Variants in ZFHX3 observed in about 807,000 individuals in gnomAD.
ZFHX3 encodes the protein zinc finger homeobox 3, also known as zinc finger homeobox protein 3.
ZFHX3 carries 42 observed loss-of-function variants against 279.1 expected under a neutral mutation model. The observed-to-expected ratio is 0.15, with a 90% confidence interval of 0.12 to 0.19. The LOEUF is 0.19. Ranked by LOEUF, ZFHX3 falls within the 10% of genes least tolerant of loss-of-function variation. ZFHX3 has a pLI of 1.00. For synonymous variants in ZFHX3, 2,293 were observed against 1,957.8 expected, an observed-to-expected ratio of 1.17 and a Z score of -4.52; for missense variants, 4,981 against 4,754.0, an observed-to-expected ratio of 1.05 and a Z score of -1.40.
intron 3 of ZFHX3, among the ~76,000 whole-genome samples, chr16:73,418,288 CG>C (rs1363965050): frequency 7.2e-5 from 11 of 152,358 alleles, no homozygotes; most frequent in Non-Finnish European, 1.5e-4. Context: ...AGCTGGTAGA[CG>C]GTGGTACCAG....
At chr16:72,840,299 G>T (rs1285177670) in intron 4 of ZFHX3, among the ~76,000 whole-genome samples, 1 of 152,198 alleles carries the variant, frequency 6.6e-6, no homozygotes, top group Non-Finnish European at 1.5e-5. Flanking sequence ...ATGGTGATTA[G>T]AACCTAATGG....
chr16:72,877,289 T>A (rs1597336863), intron 4 of ZFHX3, among the ~76,000 whole-genome samples: 1 of 152,280 alleles, frequency 6.6e-6, no homozygotes, highest in African/African-American at 2.4e-5. Context: ...AAGAATCGGA[T>A]AATGACCTCT....
intron 5 of ZFHX3, among the ~76,000 whole-genome samples, chr16:73,168,338 T>G (rs1472033225): frequency 6.6e-6 from 1 of 151,848 alleles, no homozygotes; most frequent in Admixed American, 6.6e-5. Flanking sequence ...CATAGTTCAC[T>G]GCAGACTTGA....
chr16:73,004,159 C>CAT (rs1963611018), intron 1 of ZFHX3, among the ~76,000 whole-genome samples: 1 of 49,372 alleles, frequency 2.0e-5, no homozygotes, highest in African/African-American at 1.1e-4. Flanking sequence ...AAAAACACGA[C>CAT]TTTTTTTTTT....
intron 1 of ZFHX3, among the ~76,000 whole-genome samples, chr16:73,760,710 C>T (rs1025168807): frequency 2.0e-5 from 3 of 152,018 alleles, no homozygotes; most frequent in South Asian, 4.1e-4. Flanking sequence ...ATAAACAGAA[C>T]TAAAGACAAA....
rs2035406525 is a variant in ZFHX3, at chr16:72,786,976, G to C, written c.*188C>G. 2.6e-6 allele frequency: 1 copy of C among 386,938 alleles called. No homozygotes were observed. 24.0% of individuals were successfully genotyped at this position (386,938 alleles called of 1,614,324 possible). A position where few individuals can be genotyped will look rare whatever the true frequency, so the allele number is the denominator to read the frequency against. On this transcript the variant is annotated 3_prime_UTR_variant, in exon 10 of 10. Coordinates refer to ENST00000268489, the MANE Select transcript of ZFHX3 (RefSeq NM_006885.4). ...ATATTAAAAGAAAAGAAAAAGACAA[G>C]AATGTAAAATCACCGGCATAGATAG...
At chr16:73,004,924 T>C (rs529276499) in intron 1 of ZFHX3, among the ~76,000 whole-genome samples, 11 of 152,354 alleles carry the variant, frequency 7.2e-5, no homozygotes, top group Admixed American at 2.0e-4. Flanking sequence ...TGGTAACATA[T>C]GCTATGAAAA....
intron 3 of ZFHX3, among the ~76,000 whole-genome samples, chr16:72,941,305 G>T (rs1596989199): frequency 6.6e-6 from 1 of 152,310 alleles, no homozygotes; most frequent in East Asian, 1.9e-4. Context: ...ACAAAAACTG[G>T]ATATCATCAT....
In ZFHX3 at chr16:73,567,834, A is replaced by C. The variant is rs185021499; in HGVS notation, c.-1546-111576T>G. The stretch of plus-strand genomic sequence containing the variant: ...CAATAACGAGCCTTGAACAGAACAA[A>C]CTCTTTGTTTCAGTGAAAAATGCTA... On this transcript the variant is annotated intron_variant, in intron 2 of 17. Coordinates refer to the ZFHX3 transcript ENST00000641206. Among the ~76,000 whole-genome samples the C allele has an allele frequency of 1.1e-3, 169 of 151,836 alleles. 1 individual carries two copies. Among genetic ancestry groups the C allele is most frequent in the Non-Finnish European group, 2.2e-3 (147 of 67,952 alleles).
At chr16:72,980,555 C>A (rs1962548197) in intron 1 of ZFHX3, among the ~76,000 whole-genome samples, 1 of 150,766 alleles carries the variant, frequency 6.6e-6, no homozygotes, top group Non-Finnish European at 1.5e-5. Flanking sequence ...GCCCAGGAGT[C>A]TGAGACCAGC....
intron 2 of ZFHX3, among the ~76,000 whole-genome samples, chr16:73,496,917 C>G (rs568320042): frequency 3.3e-5 from 5 of 152,294 alleles, no homozygotes; most frequent in Admixed American, 6.5e-5. Flanking sequence ...CTTTGTCAGA[C>G]AGCCTTCTTG....
chr16:73,889,611 G>A (rs991306762), intron 1 of ZFHX3, among the ~76,000 whole-genome samples: 1 of 152,188 alleles, frequency 6.6e-6, no homozygotes, highest in African/African-American at 2.4e-5. Context: ...ATTGTTTTAA[G>A]TATCATCCAA....
intron 1 of ZFHX3, among the ~76,000 whole-genome samples, chr16:73,693,214 A>G (rs1290430672): frequency 1.3e-5 from 2 of 152,208 alleles, no homozygotes; most frequent in Admixed American, 6.5e-5. Flanking sequence ...GAGATAATAT[A>G]TAAATATTTT....
chr16:73,800,710 G>A (rs1246797709), intron 1 of ZFHX3, among the ~76,000 whole-genome samples: 2 of 152,098 alleles, frequency 1.3e-5, no homozygotes. Flanking sequence ...ACAGCACTGT[G>A]GTCGTGTCAT....
intron 3 of ZFHX3, among the ~76,000 whole-genome samples, chr16:72,949,306 T>C (rs535324458): frequency 6.6e-6 from 1 of 151,776 alleles, no homozygotes; most frequent in East Asian, 1.9e-4. Flanking sequence ...CGAGAAACAG[T>C]GTGAAAGGCA....
At chr16:73,512,834 C>T (rs1293322968) in intron 2 of ZFHX3, among the ~76,000 whole-genome samples, 2 of 152,318 alleles carry the variant, frequency 1.3e-5, no homozygotes, top group Non-Finnish European at 2.9e-5. Flanking sequence ...ATGAAACCCA[C>T]TACCTGACTA....
Position 72,811,647 on chromosome 16 carries a change from A to G in ZFHX3, c.3794T>C (p.Ile1265Thr). 6.2e-7 allele frequency: 1 copy of G among 1,613,582 alleles called. No individual in the cohort carries two copies. Among genetic ancestry groups the G allele is most frequent in the Non-Finnish European group, 8.5e-7 (1 of 1,179,792 alleles). The stretch of plus-strand genomic sequence containing the variant: ...GTGGGTGAGGTGCAGCTGGAGGTGG[A>G]TCTTGTTGTTGAGCATGTCCTGGCA... ...PLCQDMLNNK[I>T]HLQLHLTHLH... Residue 1265 changes from isoleucine (I) to threonine (T), a missense_variant, in exon 7 of 10, where the codon ATC (isoleucine) becomes ACC (threonine). Physicochemically the swap from Ile to Thr is moderately conservative, Grantham distance 89. Transcript: ENST00000268489.
chr16:73,769,264 C>A (rs751494338), intron 1 of ZFHX3, among the ~76,000 whole-genome samples: 1 of 152,100 alleles, frequency 6.6e-6, no homozygotes, highest in Non-Finnish European at 1.5e-5. Context: ...ACATATGGTG[C>A]CCCCTCTGAC....
At chr16:72,886,176 G>A (rs937122284) in intron 4 of ZFHX3, among the ~76,000 whole-genome samples, 2 of 152,262 alleles carry the variant, frequency 1.3e-5, no homozygotes, top group African/African-American at 2.4e-5. Context: ...TCTTGTTAAT[G>A]TCAATATGAA....
Sources: gnomAD v4.1 joint callset for allele counts (sites outside exome capture counted in the v4.1 genomes callset) on GRCh38, gnomAD v4.1.1 for gene constraint, MANE v1.5 for transcripts, NCBI Gene and HGNC (gene_info 2026-07-23, HGNC 2026-07-21) for gene names.